The following F2RL2 variants were observed in gnomAD, a reference collection of about 807,000 sequenced individuals.
F2RL2 encodes the protein proteinase-activated receptor 3.
A neutral mutation model predicts 4.3 loss-of-function variants in F2RL2; 4 were observed. The ratio of observed to expected loss-of-function variants is 0.93; its 90% CI spans 0.46 to 2.12. The LOEUF (loss-of-function observed/expected upper bound fraction) is 2.12, where lower values mean the gene tolerates loss of function less well. Ranked by LOEUF, F2RL2 falls within the 30% of genes most tolerant of loss-of-function variation. The probability of loss-of-function intolerance (pLI) is 0.02; values close to 1 mark genes in which losing one functional copy is unlikely to be tolerated. For synonymous variants in F2RL2, 166 were observed against 170.9 expected, an observed-to-expected ratio of 0.97 and a Z score of 0.22; for missense variants, 408 against 449.3, an observed-to-expected ratio of 0.91 and a Z score of 0.83.
rs1561518620 is a variant in F2RL2, at chr5:76,619,514, C to CCT, written c.65-873_65-872insAG. ...CAGATCTAACTTAGTTAAGGATCTT[C>CCT]TTTTTTTTTTTTTTTTTTTTTTGAG... On this transcript the variant is annotated intron_variant, in intron 1 of 1. Transcript: ENST00000296641. Among the ~76,000 whole-genome samples, 130 of 104,226 alleles carry CCT rather than the reference C, an allele frequency of 1.2e-3. 15 individuals are homozygous for CCT. Among genetic ancestry groups the CCT allele is most frequent in the South Asian group, 1.7e-3 (5 of 2,908 alleles). 68.4% of individuals were successfully genotyped at this position (104,226 alleles called of 152,430 possible). A position where few individuals can be genotyped will look rare whatever the true frequency, so the allele number is the denominator to read the frequency against.
In F2RL2 at chr5:76,618,187, A is replaced by G. The variant is rs1749197123; in HGVS notation, c.520T>C (p.Tyr174His). The G allele has an allele frequency of 6.2e-7, 1 of 1,614,102 alleles. No homozygotes were observed. Among genetic ancestry groups the G allele is most frequent in the Admixed American group, 1.7e-5 (1 of 60,004 alleles). ...VLCRATTVIF[Y>H]GNMYCSILLL... ...AGAATGGAGCAGTACATGTTGCCATAGAAGATGACTGTGGTGGCCCGGCAC... is the reference window on the plus strand; with the variant it reads ...AGAATGGAGCAGTACATGTTGCCATGGAAGATGACTGTGGTGGCCCGGCAC... The change falls in exon 2 of 2, where the codon TAT becomes CAT. Residue 174 changes from tyrosine (Y) to histidine (H), a missense_variant. Physicochemically the swap from Tyr to His is moderately conservative, Grantham distance 83. Coordinates refer to ENST00000296641, the MANE Select transcript of F2RL2 (RefSeq NM_004101.4).
At chr5:76,619,739 C>T (rs1046055592) in intron 1 of F2RL2, among the ~76,000 whole-genome samples, 2 of 151,970 alleles carry the variant, frequency 1.3e-5, no homozygotes, top group African/African-American at 2.4e-5. Flanking sequence ...AGGATGGTCT[C>T]GATCTCCTGA....
chr5:76,615,688 A>G lies in F2RL2; in HGVS notation c.*1894T>C, dbSNP rs1425314483. ...CTAATATCTTCCCTCCTGTCTAATC[A>G]CTAATGTCTTCCTTCCTGTCTAATC... On this transcript the variant is annotated 3_prime_UTR_variant, in exon 2 of 2. Coordinates refer to ENST00000296641, the MANE Select transcript of F2RL2 (RefSeq NM_004101.4). 1 of 152,116 alleles carries G rather than the reference A, an allele frequency of 6.6e-6. No individual in the cohort carries two copies. Among genetic ancestry groups the G allele is most frequent in the African/African-American group, 2.4e-5 (1 of 41,396 alleles). The allele number at this position is 152,116 out of a possible 1,614,324, so 9.4% of individuals were successfully genotyped here.
At chr5:76,620,992 T>C (rs1339291929) in intron 1 of F2RL2, among the ~76,000 whole-genome samples, 1 of 152,166 alleles carries the variant, frequency 6.6e-6, no homozygotes, top group African/African-American at 2.4e-5. Flanking sequence ...GTATAGAAAA[T>C]AGATTCTCCC....
chr5:76,618,272 T>G lies in F2RL2; in HGVS notation c.435A>C (p.Thr145=). The G allele has an allele frequency of 6.2e-7, 1 of 1,614,152 alleles. No individual in the cohort carries two copies. The highest frequency in any genetic ancestry group is 8.5e-7 in the Non-Finnish European group (1 of 1,180,022). Residue 145 remains threonine (T), a synonymous_variant, in exon 2 of 2, where the codon ACA becomes ACC. Coordinates refer to ENST00000296641, the MANE Select transcript of F2RL2 (RefSeq NM_004101.4). ...GATGATAAGCTATCTTAAAGGGCAATGTAACACAAAAAAGAAAATCTGCAA... is the reference window on the plus strand; with the variant it reads ...GATGATAAGCTATCTTAAAGGGCAAGGTAACACAAAAAAGAAAATCTGCAA... The part of the protein sequence containing the change: ...LAIADFLFCV[T]LPFKIAYHLN...
chr5:76,615,914 C>T lies in F2RL2; in HGVS notation c.*1668G>A, dbSNP rs1414522729. The T allele has an allele frequency of 2.6e-5, 4 of 152,578 alleles. No individual in the cohort carries two copies. Among genetic ancestry groups the T allele is most frequent in the East Asian group, 3.8e-4 (2 of 5,204 alleles). The allele number at this position is 152,578 out of a possible 1,614,324, so 9.5% of individuals were successfully genotyped here. On this transcript the variant is annotated 3_prime_UTR_variant, in exon 2 of 2. Coordinates refer to ENST00000296641, the MANE Select transcript of F2RL2 (RefSeq NM_004101.4). The stretch of plus-strand genomic sequence containing the variant: ...TGCCCAACCTGAAATGATGTCATCC[C>T]GTATCATCACAGTATGTTGCTTTTT...
rs1748923199 is a variant in F2RL2 at position 76,615,931 on chromosome 5, T to G, written c.*1651A>C. 1 of 152,666 alleles carries G rather than the reference T, an allele frequency of 6.6e-6. No homozygotes were observed. Among genetic ancestry groups the G allele is most frequent in the Admixed American group, 6.5e-5 (1 of 15,284 alleles). The allele number at this position is 152,666 out of a possible 1,614,324, so 9.5% of individuals were successfully genotyped here. Reference sequence around the variant, plus strand: ...TGTCATCCCGTATCATCACAGTATGTTGCTTTTTCAGTACGAAGTTAATGG... The same window carrying G: ...TGTCATCCCGTATCATCACAGTATGGTGCTTTTTCAGTACGAAGTTAATGG... On this transcript the variant is annotated 3_prime_UTR_variant, in exon 2 of 2. Transcript: ENST00000296641.
Position 76,617,732 on chromosome 5 carries a change from A to G in F2RL2, c.975T>C (p.His325=), listed in dbSNP as rs749148952. 2 of 1,614,078 alleles carry G rather than the reference A, an allele frequency of 1.2e-6. No homozygotes were observed. Among genetic ancestry groups the G allele is most frequent in the East Asian group, 2.2e-5 (1 of 44,854 alleles). The change falls in exon 2 of 2, where the codon CAT becomes CAC. Residue 325 remains histidine, a synonymous_variant. Coordinates refer to ENST00000296641, the MANE Select transcript of F2RL2 (RefSeq NM_004101.4). ...APSNIILIIH[H]ANYYYNNTDG... ...CAGTGTTGTTGTAGTAGTAGTTAGC[A>G]TGGTGAATAATAAGAATAATATTGC...
Position 76,616,163 on chromosome 5 carries a change from G to A in F2RL2, c.*1419C>T, listed in dbSNP as rs1425994243. On this transcript the variant is annotated 3_prime_UTR_variant, in exon 2 of 2. Coordinates refer to ENST00000296641, the MANE Select transcript of F2RL2 (RefSeq NM_004101.4). The stretch of plus-strand genomic sequence containing the variant: ...AAATATAAATGAACTATATATAAAT[G>A]CCATAATAAAAATATACGAAAGTGC... 1 of 152,250 alleles carries A rather than the reference G, an allele frequency of 6.6e-6. No individual in the cohort carries two copies. Among genetic ancestry groups the A allele is most frequent in the South Asian group, 2.1e-4 (1 of 4,820 alleles). The allele number at this position is 152,250 out of a possible 1,614,324, so 9.4% of individuals were successfully genotyped here.
intron 1 of F2RL2, among the ~76,000 whole-genome samples, chr5:76,619,521 T>C (rs1282826886): frequency 3.4e-5 from 5 of 147,446 alleles, no homozygotes; most frequent in Non-Finnish European, 4.5e-5. Context: ...CTTCTTTTTT[T>C]TTTTTTTTTT....
rs1450243279 is a variant in F2RL2 at position 76,615,952 on chromosome 5, A to C, written c.*1630T>G. 1 of 152,618 alleles carries C rather than the reference A, an allele frequency of 6.6e-6. No individual in the cohort carries two copies. Among genetic ancestry groups the C allele is most frequent in the African/African-American group, 2.4e-5 (1 of 41,444 alleles). The allele number at this position is 152,618 out of a possible 1,614,324, so 9.5% of individuals were successfully genotyped here. ...TATGTTGCTTTTTCAGTACGAAGTT[A>C]ATGGGCTTTCCTGCTGTTTAACTGC... On this transcript the variant is annotated 3_prime_UTR_variant, in exon 2 of 2. Transcript: ENST00000296641.
At chr5:76,619,022 T>A (rs1299097884) in intron 1 of F2RL2, among the ~76,000 whole-genome samples, 4 of 152,204 alleles carry the variant, frequency 2.6e-5, no homozygotes, top group Non-Finnish European at 4.4e-5. Context: ...GAGCAAAGAC[T>A]AGCAAGGTTC....
intron 1 of F2RL2, among the ~76,000 whole-genome samples, chr5:76,621,905 G>A (rs1749716053): frequency 2.0e-5 from 3 of 152,126 alleles, no homozygotes; most frequent in Admixed American, 1.3e-4. Context: ...GGCCTCTCAG[G>A]GGTGTCCAAG....
At chr5:76,619,514 C>CTTTT (rs773323091) in intron 1 of F2RL2, among the ~76,000 whole-genome samples, 7 of 104,256 alleles carry the variant, frequency 6.7e-5, no homozygotes, top group African/African-American at 1.2e-4. Flanking sequence ...TAAGGATCTT[C>CTTTT]TTTTTTTTTT....
chr5:76,622,064 CAACGAA>C (rs1327895032), intron 1 of F2RL2, among the ~76,000 whole-genome samples: 1 of 152,142 alleles, frequency 6.6e-6, no homozygotes, highest in African/African-American at 2.4e-5. Flanking sequence ...AACAAAACCA[CAACGAA>C]ATAAGGCAGG....
chr5:76,620,790 C>G (rs2069661), intron 1 of F2RL2, among the ~76,000 whole-genome samples: 2 of 151,984 alleles, frequency 1.3e-5, no homozygotes, highest in Admixed American at 6.5e-5. Flanking sequence ...AAGATGAAAT[C>G]GGTATGAGGA....
chr5:76,623,389 C>T lies in F2RL2; in HGVS notation c.-159G>A. On this transcript the variant is annotated 5_prime_UTR_variant, in exon 1 of 2. Coordinates refer to ENST00000296641, the MANE Select transcript of F2RL2 (RefSeq NM_004101.4). The stretch of plus-strand genomic sequence containing the variant: ...GTGCAGGCAGGAAACTTGCCCTGGT[C>T]CTCCGCAGGGAAAGGATGTAATCCA... 1.4e-6 allele frequency: 1 copy of T among 724,130 alleles called. No homozygotes were observed. The highest frequency in any genetic ancestry group is 2.7e-5 in the East Asian group (1 of 37,136). 44.9% of individuals were successfully genotyped at this position (724,130 alleles called of 1,614,324 possible).
Position 76,617,313 on chromosome 5 carries a change from T to G in F2RL2, c.*269A>C. The G allele has an allele frequency of 9.4e-6, 3 of 319,000 alleles. No individual in the cohort carries two copies. Among genetic ancestry groups the G allele is most frequent in the African/African-American group, 2.1e-5 (1 of 47,800 alleles). The allele number at this position is 319,000 out of a possible 1,614,324, so 19.8% of individuals were successfully genotyped here. On this transcript the variant is annotated 3_prime_UTR_variant, in exon 2 of 2. Coordinates refer to ENST00000296641, the MANE Select transcript of F2RL2 (RefSeq NM_004101.4). ...TACAAGTATTTTTAGTAGCTGGGCA[T>G]GGTGGTGTAATCCCAGCTACTTGGG...
At chr5:76,618,698 T>G in intron 1 of F2RL2, 56 bp from the exon 2 acceptor site, 1 of 1,356,802 alleles carries the variant, frequency 7.4e-7, no homozygotes, top group Non-Finnish European at 1.0e-6. Context: ...AAAGAAAGTG[T>G]GTTTAATTAT....
Sources: allele counts gnomAD v4.1 joint callset (sites outside exome capture counted in the v4.1 genomes callset), GRCh38; gene constraint gnomAD v4.1.1; transcripts MANE v1.5; gene names NCBI Gene and HGNC (gene_info 2026-07-23, HGNC 2026-07-21).